The following CROT variants were observed in gnomAD, a reference collection of about 807,000 sequenced individuals.
CROT encodes the protein peroxisomal carnitine O-octanoyltransferase.
A neutral mutation model predicts 89.2 loss-of-function variants in CROT; 84 were observed. The ratio of observed to expected loss-of-function variants is 0.94; its 90% CI spans 0.79 to 1.13. The LOEUF (loss-of-function observed/expected upper bound fraction) is 1.13. Ranked by LOEUF, CROT falls within the 50% of genes most tolerant of loss-of-function variation. The pLI, the probability that CROT is intolerant of heterozygous loss-of-function variation, is 0.00. For missense variants in CROT, 711 were observed against 727.8 expected (o/e 0.98, Z 0.27); for synonymous variants, 212 against 239.5 (o/e 0.89, Z 1.06).
intron 6 of CROT, among the ~76,000 whole-genome samples, chr7:87,366,052 T>C (rs559954421): frequency 6.6e-6 from 1 of 152,332 alleles, no homozygotes; most frequent in Admixed American, 6.5e-5. Flanking sequence ...GATTTGTGCA[T>C]GGTCTAATTT....
At chr7:87,387,463 T>G (rs1260779145) in intron 13 of CROT, among the ~76,000 whole-genome samples, 1 of 145,328 alleles carries the variant, frequency 6.9e-6, no homozygotes. Flanking sequence ...TGAGCTATAC[T>G]TTTTTTTTTT....
chr7:87,356,473 C>T (rs754893209), intron 3 of CROT, among the ~76,000 whole-genome samples: 80 of 152,106 alleles, frequency 5.3e-4, no homozygotes, highest in Non-Finnish European at 7.8e-4. Context: ...ACCTAAACAT[C>T]AAGTTTTATT....
intron 6 of CROT, among the ~76,000 whole-genome samples, chr7:87,366,985 T>C (rs552293076): frequency 3.7e-4 from 57 of 152,238 alleles, no homozygotes; most frequent in Non-Finnish European, 7.2e-4. Flanking sequence ...TAACAAACTC[T>C]TGTTTTTCAC....
chr7:87,398,814 C>T lies in CROT; in HGVS notation c.*170C>T. On this transcript the variant is annotated 3_prime_UTR_variant, in exon 18 of 18. Coordinates refer to ENST00000331536, the MANE Select transcript of CROT (RefSeq NM_021151.4). ...TAGAATCATGCTCTCTAAATTTATT[C>T]TGCCATAGAAGGTAGAAATATTTTT... The T allele has an allele frequency of 1.5e-6, 1 of 647,820 alleles. No individual in the cohort carries two copies. Among genetic ancestry groups the T allele is most frequent in the Non-Finnish European group, 2.6e-6 (1 of 387,392 alleles). 40.1% of individuals were successfully genotyped at this position (647,820 alleles called of 1,614,324 possible).
intron 6 of CROT, among the ~76,000 whole-genome samples, chr7:87,365,936 CT>C (rs1292431649): frequency 1.3e-5 from 2 of 151,918 alleles, no homozygotes; most frequent in South Asian, 2.1e-4. Context: ...TACCTACCCC[CT>C]AGGAGACCAT....
chr7:87,392,280 T>G (rs577541161), intron 14 of CROT, among the ~76,000 whole-genome samples: 1 of 152,336 alleles, frequency 6.6e-6, no homozygotes, highest in African/African-American at 2.4e-5. Flanking sequence ...ATGCTTTCAT[T>G]TTTGAAATAT....
chr7:87,378,286 C>T (rs1284085716), intron 10 of CROT, among the ~76,000 whole-genome samples: 4 of 142,910 alleles, frequency 2.8e-5, no homozygotes, highest in African/African-American at 5.2e-5. Context: ...GTTGAGGGTG[C>T]AGTGAACAGT....
chr7:87,376,101 C>G, intron 9 of CROT, 148 bp downstream of exon 9: 1 of 655,526 alleles, frequency 1.5e-6, no homozygotes, highest in East Asian at 3.0e-5. Flanking sequence ...CAAATTGAAG[C>G]TTATAAAGTA....
rs1300407358 is a variant in CROT at position 87,390,433 on chromosome 7, TGAAA to T, written c.1302-1152_1302-1149del. Among the ~76,000 whole-genome samples, 8 of 152,334 alleles carry T rather than the reference TGAAA, an allele frequency of 5.3e-5. No homozygotes were observed. The East Asian group carries it at 1.5e-3, about 29-fold the overall frequency. On this transcript the variant is annotated intron_variant, in intron 13 of 17. Coordinates refer to ENST00000331536, the MANE Select transcript of CROT (RefSeq NM_021151.4). ...TGCTTTTATTTTTAATTTGTTTTCCTGAAAGAATGTTATTTTAGTGCTATTTAAA... is the reference window on the plus strand; with the variant it reads ...TGCTTTTATTTTTAATTTGTTTTCCTGAATGTTATTTTAGTGCTATTTAAA...
At chr7:87,349,874 T>G (rs576732544) in intron 3 of CROT, among the ~76,000 whole-genome samples, 1 of 152,230 alleles carries the variant, frequency 6.6e-6, no homozygotes, top group East Asian at 1.9e-4. Context: ...CTGGAGGCAG[T>G]AGATGTTGAT....
At chr7:87,398,044 C>T (rs1346846861) in intron 17 of CROT, among the ~76,000 whole-genome samples, 2 of 150,774 alleles carry the variant, frequency 1.3e-5, no homozygotes, top group Non-Finnish European at 2.9e-5. Context: ...GACTTGATCC[C>T]AAGAGTTTCT....
At chr7:87,359,746 C>T in intron 4 of CROT, 1 of 998,074 alleles carries the variant, frequency 1.0e-6, no homozygotes, top group African/African-American at 1.7e-5. Flanking sequence ...GAAAGGGAAT[C>T]ATTAAAAATC....
intron 3 of CROT, chr7:87,357,532 G>C: frequency 6.5e-7 from 1 of 1,536,444 alleles, no homozygotes; most frequent in Non-Finnish European, 8.8e-7. Flanking sequence ...ACCAGATAAG[G>C]GGTCTTGATC....
intron 2 of CROT, among the ~76,000 whole-genome samples, chr7:87,348,236 C>A (rs1805754544): frequency 6.6e-6 from 1 of 151,652 alleles, no homozygotes; most frequent in Non-Finnish European, 1.5e-5. Flanking sequence ...TGATAATTTA[C>A]AAAGGCTTTG....
At chr7:87,359,529 G>T (rs1288481085) in intron 4 of CROT, 199 bp downstream of exon 4, 4 of 1,326,952 alleles carry the variant, frequency 3.0e-6, no homozygotes, top group Admixed American at 7.2e-5. Flanking sequence ...ATGCAGATTT[G>T]CTGGGATAAG....
intron 6 of CROT, among the ~76,000 whole-genome samples, chr7:87,367,072 T>C (rs765250704): frequency 5.9e-5 from 9 of 152,226 alleles, no homozygotes; most frequent in African/African-American, 1.7e-4. Flanking sequence ...CCCCCATAGA[T>C]GTCTACTTTC....
At chr7:87,377,824 AC>A (rs1806858772) in intron 10 of CROT, among the ~76,000 whole-genome samples, 2 of 152,134 alleles carry the variant, frequency 1.3e-5, no homozygotes, top group African/African-American at 4.8e-5. Flanking sequence ...TTCAAGATTC[AC>A]CTAGTAACTA....
In CROT at chr7:87,392,532, G is replaced by A. The variant is rs1174357622; in HGVS notation, c.1426-34G>A. 5 of 1,560,082 alleles carry A rather than the reference G, an allele frequency of 3.2e-6. No homozygotes were observed. The African/African-American group carries it at 5.4e-5, about 17-fold the overall frequency. ...TTTTTCTAGTTGGGTTTTGCACAGT[G>A]TGTTATTGAAGTGTCTCTCGATTTT... On this transcript the variant is annotated intron_variant, in intron 14 of 17. Transcript: ENST00000331536.
chr7:87,363,078 T>C (rs1806333712), intron 6 of CROT, among the ~76,000 whole-genome samples: 1 of 152,162 alleles, frequency 6.6e-6, no homozygotes, highest in African/African-American at 2.4e-5. Flanking sequence ...AGAGAAAATA[T>C]GCATATCAGT....
Sources: gnomAD v4.1 joint callset for allele counts (sites outside exome capture counted in the v4.1 genomes callset) on GRCh38, gnomAD v4.1.1 for gene constraint, MANE v1.5 for transcripts, NCBI Gene and HGNC (gene_info 2026-07-23, HGNC 2026-07-21) for gene names.